Variants in NAT1 observed in about 807,000 individuals in gnomAD.
NAT1 encodes the protein N-acetyltransferase 1, also known as arylamine N-acetyltransferase 1.
For synonymous variants in NAT1, 144 were observed against 122.6 expected, an observed-to-expected ratio of 1.17 and a Z score of -1.16; for missense variants, 400 against 339.2, an observed-to-expected ratio of 1.18 and a Z score of -1.41.
At chr8:18,175,191 C>T (rs1406347168) in intron 2 of NAT1, among the ~76,000 whole-genome samples, 7 of 151,974 alleles carry the variant, frequency 4.6e-5, no homozygotes, top group South Asian at 2.1e-4. Context: ...ATATCTATCA[C>T]CTTATTGCTT....
chr8:18,222,998 G>C lies in NAT1; in HGVS notation c.*78G>C, dbSNP rs1432156438. 4.2e-6 allele frequency: 5 copies of C among 1,192,846 alleles called. No individual in the cohort carries two copies. The highest frequency in any genetic ancestry group is 5.6e-6 in the Non-Finnish European group (5 of 898,092). The allele number at this position is 1,192,846 out of a possible 1,614,324, so 73.9% of individuals were successfully genotyped here. A position where few individuals can be genotyped will look rare whatever the true frequency, so the allele number is the denominator to read the frequency against. ...ACTGACGACCTATCATGTATCTTCTGTACCCTTACCTTATTTTGAAGAAAA... is the reference window on the plus strand; with the variant it reads ...ACTGACGACCTATCATGTATCTTCTCTACCCTTACCTTATTTTGAAGAAAA... On this transcript the variant is annotated 3_prime_UTR_variant, in exon 3 of 3. Transcript: ENST00000307719.
rs78738736 is a variant in NAT1, at chr8:18,216,181, T to G, written c.-85-3230T>G. ...TCTTTTAGCTGTGGTTTCAGCCAGT[T>G]GGTTACCCTGACTTTCTGTGGTGTC... On this transcript the variant is annotated intron_variant, in intron 1 of 2. Coordinates refer to ENST00000307719, the MANE Select transcript of NAT1 (RefSeq NM_000662.8). Among the ~76,000 whole-genome samples the G allele has an allele frequency of 4.2e-3, 644 of 152,292 alleles. 21 individuals carry two copies. The East Asian group carries it at 0.075, about 18-fold the overall frequency.
intron 2 of NAT1, among the ~76,000 whole-genome samples, chr8:18,191,327 T>C (rs1220626939): frequency 6.6e-6 from 1 of 152,212 alleles, no homozygotes; most frequent in East Asian, 1.9e-4. Context: ...GTGGTGTTTT[T>C]AGTTTAATAA....
Position 18,213,478 on chromosome 8 carries a change from A to G in NAT1, c.-86+3298A>G, listed in dbSNP as rs144182368. Among the ~76,000 whole-genome samples, 38 of 152,272 alleles carry G rather than the reference A, an allele frequency of 2.5e-4. No individual in the cohort carries two copies. The East Asian group carries it at 7.1e-3, about 29-fold the overall frequency. On this transcript the variant is annotated intron_variant, in intron 1 of 2. Transcript: ENST00000307719. ...TTCACTCATTTTACTGTTTACCAGT[A>G]AACAGTAGAAAACTAGAGACTTCAC...
chr8:18,222,270 C>G lies in NAT1; in HGVS notation c.223C>G (p.Leu75Val), dbSNP rs1242293172. The G allele has an allele frequency of 6.2e-7, 1 of 1,614,118 alleles. No homozygotes were observed. Among genetic ancestry groups the G allele is most frequent in the Non-Finnish European group, 8.5e-7 (1 of 1,180,004 alleles). The part of the protein sequence containing the change: ...GGWCLQVNHL[L>V]YWALTTIGFE... ...ATGGTGTCTCCAGGTCAATCATCTT[C>G]TGTACTGGGCTCTGACCACTATTGG... Residue 75 changes from leucine (L) to valine (V), a missense_variant, in exon 3 of 3, where the codon CTG becomes GTG. Coordinates refer to ENST00000307719, the MANE Select transcript of NAT1 (RefSeq NM_000662.8).
upstream of NAT1, among the ~76,000 whole-genome samples, chr8:18,208,239 G>A (rs1205759287): frequency 1.3e-5 from 2 of 151,928 alleles, no homozygotes; most frequent in Non-Finnish European, 1.5e-5. Context: ...ATTGACCTAC[G>A]TAATAAACCT....
chr8:18,172,322 C>G (rs570086621), intron 2 of NAT1, among the ~76,000 whole-genome samples: 2 of 152,262 alleles, frequency 1.3e-5, no homozygotes, highest in African/African-American at 2.4e-5. Flanking sequence ...CCCGACATGC[C>G]ACTTTCCTCA....
At chr8:18,213,164 G>C (rs1488623220) in intron 1 of NAT1, among the ~76,000 whole-genome samples, 1 of 151,164 alleles carries the variant, frequency 6.6e-6, no homozygotes, top group Non-Finnish European at 1.5e-5. Context: ...CACTCGCCTC[G>C]GCCTCCCAAA....
intron 2 of NAT1, among the ~76,000 whole-genome samples, chr8:18,171,522 T>C (rs1422875288): frequency 6.6e-6 from 1 of 152,188 alleles, no homozygotes; most frequent in African/African-American, 2.4e-5. Context: ...TCTGAATCTG[T>C]TAACCTTTTG....
chr8:18,173,751 C>T (rs1362163737), intron 2 of NAT1, among the ~76,000 whole-genome samples: 1 of 152,092 alleles, frequency 6.6e-6, no homozygotes, highest in East Asian at 1.9e-4. Flanking sequence ...ATATAGCTTC[C>T]TAATCCAATG....
chr8:18,212,330 A>G (rs1040266188), intron 1 of NAT1: 1 of 152,234 alleles, frequency 6.6e-6, no homozygotes, highest in African/African-American at 2.4e-5. Flanking sequence ...TTTGCTCAAC[A>G]TTCAGGACCC....
intron 1 of NAT1, among the ~76,000 whole-genome samples, chr8:18,218,806 C>T (rs573051189): frequency 5.3e-5 from 8 of 152,008 alleles, no homozygotes; most frequent in South Asian, 2.1e-4. Flanking sequence ...AAATGAGTTT[C>T]GGGGGTCCCA....
At chr8:18,203,678 T>A (rs1803575277) in intron 2 of NAT1, among the ~76,000 whole-genome samples, 1 of 152,218 alleles carries the variant, frequency 6.6e-6, no homozygotes. Flanking sequence ...GTGAGCTCTA[T>A]AATTGGTGTG....
At chr8:18,185,058 AGGAGTGCTTGTTTCGGTT>A (rs2117234521) in intron 2 of NAT1, among the ~76,000 whole-genome samples, 1 of 70,560 alleles carries the variant, frequency 1.4e-5, no homozygotes, top group Non-Finnish European at 2.5e-5. Context: ...TTCAGGTTTC[AGGAGTGCTTGTTTCGGTT>A]TCAGGAGTGC....
At chr8:18,217,486 T>C (rs766362947) in intron 1 of NAT1, among the ~76,000 whole-genome samples, 3 of 152,224 alleles carry the variant, frequency 2.0e-5, no homozygotes, top group Non-Finnish European at 4.4e-5. Flanking sequence ...TGAACGAGTG[T>C]TGAGCCCTGG....
chr8:18,175,519 T>A (rs1259887997), intron 2 of NAT1, among the ~76,000 whole-genome samples: 1 of 152,130 alleles, frequency 6.6e-6, no homozygotes, highest in Non-Finnish European at 1.5e-5. Context: ...TCCAGCTCCA[T>A]CTATGTTGTC....
chr8:18,187,728 G>C (rs1044105174), intron 2 of NAT1, among the ~76,000 whole-genome samples: 4 of 151,882 alleles, frequency 2.6e-5, no homozygotes, highest in African/African-American at 4.8e-5. Flanking sequence ...AGAAAAAAAC[G>C]GGATAAGGAA....
chr8:18,181,868 C>A (rs1802536670), intron 2 of NAT1, among the ~76,000 whole-genome samples: 1 of 152,124 alleles, frequency 6.6e-6, no homozygotes, highest in Non-Finnish European at 1.5e-5. Flanking sequence ...CCAGTTGGGG[C>A]AGTGGATTCT....
In NAT1 at chr8:18,197,915, A is replaced by C. The variant is rs1205642585; in HGVS notation, n.93-11866A>C. On this transcript the variant is annotated intron_variant and non_coding_transcript_variant, in intron 2 of 4. Transcript: ENST00000517441. ...TTTTTTTTTTTTTTTGAGATGTTGA[A>C]ATTATTTTTAGGAAGGCTAAGAACT... Among the ~76,000 whole-genome samples, 5 of 151,524 alleles carry C rather than the reference A, an allele frequency of 3.3e-5. No homozygotes were observed. The East Asian group carries it at 9.6e-4, about 29-fold the overall frequency.
Sources: gnomAD v4.1 joint callset for allele counts (sites outside exome capture counted in the v4.1 genomes callset) on GRCh38, gnomAD v4.1.1 for gene constraint, MANE v1.5 for transcripts, NCBI Gene and HGNC (gene_info 2026-07-23, HGNC 2026-07-21) for gene names.